BCAR3: variants seen among roughly 807,000 people sequenced by gnomAD.
The protein encoded by BCAR3 is breast cancer anti-estrogen resistance protein 3.
Under a neutral mutation model 80.1 loss-of-function variants are expected in BCAR3, and 37 were observed. The observed-to-expected ratio is 0.46, with a 90% CI of 0.36 to 0.61. BCAR3 has a LOEUF of 0.61. BCAR3 is among the 20% of genes least tolerant of loss of function. The probability of loss-of-function intolerance (pLI) is 0.00; values close to 1 mark genes in which losing one functional copy is unlikely to be tolerated. For synonymous variants in BCAR3, 389 were observed against 418.9 expected, an observed-to-expected ratio of 0.93 and a Z score of 0.87; for missense variants, 978 against 1,068.2, an observed-to-expected ratio of 0.92 and a Z score of 1.18.
intron 1 of BCAR3, among the ~76,000 whole-genome samples, chr1:93,675,809 C>T (rs891273131): frequency 6.6e-6 from 1 of 151,506 alleles, no homozygotes; most frequent in Non-Finnish European, 1.5e-5. Context: ...TGAGTAGAAG[C>T]ATTTACCCTG....
intron 3 of BCAR3, among the ~76,000 whole-genome samples, chr1:93,633,692 T>C (rs1402286458): frequency 6.6e-6 from 1 of 152,252 alleles, no homozygotes; most frequent in East Asian, 1.9e-4. Context: ...TGGAGTGCAG[T>C]GGCGCAATCT....
chr1:93,573,441 TAATA>T (rs904070122), intron 8 of BCAR3, among the ~76,000 whole-genome samples: 12 of 151,904 alleles, frequency 7.9e-5, no homozygotes, highest in South Asian at 4.2e-4. Flanking sequence ...GGCGGGCACC[TAATA>T]AATAGCAGTT....
At chr1:93,719,334 G>GATT (rs1650301955) in intron 2 of BCAR3, among the ~76,000 whole-genome samples, 1 of 73,206 alleles carries the variant, frequency 1.4e-5, no homozygotes, top group Admixed American at 2.2e-4. Flanking sequence ...AAACTTTCTT[G>GATT]TTTTTTTTTT....
chr1:93,708,907 A>G (rs1023144214), intron 2 of BCAR3, among the ~76,000 whole-genome samples: 1 of 152,198 alleles, frequency 6.6e-6, no homozygotes, highest in African/African-American at 2.4e-5. Flanking sequence ...GGCAGTACTT[A>G]GAGCATTCAG....
chr1:93,636,777 A>C (rs975312033), intron 3 of BCAR3, among the ~76,000 whole-genome samples: 4 of 152,142 alleles, frequency 2.6e-5, no homozygotes, highest in African/African-American at 9.7e-5. Context: ...AAATAACTGT[A>C]GGGCTGGTGT....
chr1:93,567,676 C>A (rs1185887153), intron 10 of BCAR3, 64 bp downstream of exon 10: 22 of 1,501,202 alleles, frequency 1.5e-5, no homozygotes, highest in Non-Finnish European at 2.0e-5. Flanking sequence ...CATAACATGC[C>A]CTGTGTACTT....
At chr1:93,614,204 A>AAATT in intron 3 of BCAR3, 1 of 1,203,496 alleles carries the variant, frequency 8.3e-7, no homozygotes, top group Non-Finnish European at 1.0e-6. Flanking sequence ...ATGTGACCAG[A>AAATT]CTTGCTTTCT....
chr1:93,599,146 C>T (rs1674538234), intron 3 of BCAR3: 1 of 152,080 alleles, frequency 6.6e-6, no homozygotes, highest in Non-Finnish European at 1.5e-5. Context: ...AGAGTTCTTC[C>T]TGGGATTTTT....
At chr1:93,805,628 G>GAC (rs1388369212) in intron 2 of BCAR3, among the ~76,000 whole-genome samples, 1 of 152,198 alleles carries the variant, frequency 6.6e-6, no homozygotes, top group Non-Finnish European at 1.5e-5. Context: ...AACATTCCCT[G>GAC]ACAGTGGACA....
chr1:93,753,694 C>G (rs1651646442), intron 2 of BCAR3: 1 of 152,034 alleles, frequency 6.6e-6, no homozygotes, highest in Non-Finnish European at 1.5e-5. Flanking sequence ...ATCTAAAGAC[C>G]AGAGCATCTA....
At chr1:93,693,212 T>C (rs17110312) in intron 3 of BCAR3, among the ~76,000 whole-genome samples, 4,552 of 152,340 alleles carry the variant, frequency 0.03, 226 homozygotes, top group African/African-American at 0.1. Context: ...GTCATCCTTC[T>C]ACCCAGTACA....
At chr1:93,761,796 C>T (rs146424674) in intron 2 of BCAR3, among the ~76,000 whole-genome samples, 2 of 152,288 alleles carry the variant, frequency 1.3e-5, no homozygotes, top group East Asian at 1.9e-4. Flanking sequence ...ACACAAAGAT[C>T]GTGTTCTTAC....
intron 3 of BCAR3, among the ~76,000 whole-genome samples, chr1:93,700,416 C>T (rs1649597275): frequency 6.6e-6 from 1 of 152,184 alleles, no homozygotes; most frequent in Non-Finnish European, 1.5e-5. Flanking sequence ...ATCTGCCTGC[C>T]TCAGCCTTTC....
chr1:93,707,362 A>G (rs906902065), intron 2 of BCAR3, among the ~76,000 whole-genome samples: 4 of 152,200 alleles, frequency 2.6e-5, no homozygotes, highest in African/African-American at 7.2e-5. Flanking sequence ...CTATTCAGAA[A>G]GGGATCAAAT....
At chr1:93,657,728 C>CAA (rs35976570) in intron 2 of BCAR3, among the ~76,000 whole-genome samples, 1 of 130,150 alleles carries the variant, frequency 7.7e-6, no homozygotes, top group Non-Finnish European at 1.7e-5. Context: ...GTATGGCCCA[C>CAA]AAAAAAAAAA....
At chr1:93,571,937 T>C in intron 8 of BCAR3, 96 bp from the exon 9 acceptor site, 1 of 1,342,096 alleles carries the variant, frequency 7.5e-7, no homozygotes, top group South Asian at 1.4e-5. Context: ...TTTGTGCCAT[T>C]TGCTCCTTTT....
chr1:93,617,591 T>C (rs561465209), intron 3 of BCAR3, among the ~76,000 whole-genome samples: 1 of 152,302 alleles, frequency 6.6e-6, no homozygotes, highest in Non-Finnish European at 1.5e-5. Context: ...TCAAAACATC[T>C]TGTGGCAACT....
intron 2 of BCAR3, among the ~76,000 whole-genome samples, chr1:93,719,334 G>GTTTTTTTTTTTTTTTTTTTTTTTT: frequency 1.4e-5 from 1 of 73,206 alleles, no homozygotes; most frequent in Non-Finnish European, 2.4e-5. Context: ...AAACTTTCTT[G>GTTTTTTTTTTTTTTTTTTTTTTTT]TTTTTTTTTT....
intron 2 of BCAR3, among the ~76,000 whole-genome samples, chr1:93,835,920 C>G (rs926159644): frequency 6.6e-6 from 1 of 152,182 alleles, no homozygotes; most frequent in Non-Finnish European, 1.5e-5. Context: ...TCAGTTTCAC[C>G]TTCCCACCTC....
Sources: gnomAD v4.1 joint callset for allele counts (sites outside exome capture counted in the v4.1 genomes callset) on GRCh38, gnomAD v4.1.1 for gene constraint, MANE v1.5 for transcripts, NCBI Gene and HGNC (gene_info 2026-07-23, HGNC 2026-07-21) for gene names.